Variants in SRGAP3 observed in about 807,000 individuals in gnomAD.
SRGAP3 encodes the protein SLIT-ROBO Rho GTPase activating protein 3, also known as SLIT-ROBO Rho GTPase-activating protein 3.
SRGAP3 carries 39 observed loss-of-function variants against 121.1 expected under a neutral mutation model. The ratio of observed to expected loss-of-function variants is 0.32; its 90% CI spans 0.25 to 0.42. SRGAP3 has a LOEUF of 0.42. Ranked by LOEUF, SRGAP3 falls within the 10% of genes least tolerant of loss-of-function variation. The probability of loss-of-function intolerance (pLI) is 1.00; values close to 1 mark genes in which losing one functional copy is unlikely to be tolerated. For missense variants in SRGAP3, 1,213 were observed against 1,470.6 expected (o/e 0.82, Z 2.86); for synonymous variants, 601 against 570.0 (o/e 1.05, Z -0.77).
In SRGAP3 at chr3:9,326,416, C is replaced by T. The variant is rs138432829; in HGVS notation, n.284-248G>A. ...GTCTTCCCAGGTATATGGAACCAAA[C>T]ATTGGTTTTAAACTATTTCCACAAT... On this transcript the variant is annotated intron_variant and non_coding_transcript_variant, in intron 2 of 3. Transcript: ENST00000490889. 2.4e-4 allele frequency among the ~76,000 whole-genome samples: 37 copies of T among 151,958 alleles called. No homozygotes were observed. The East Asian group carries it at 6.9e-3, about 29-fold the overall frequency.
intron 10 of SRGAP3, among the ~76,000 whole-genome samples, chr3:9,044,974 G>T (rs1229585879): frequency 6.6e-6 from 1 of 152,028 alleles, no homozygotes; most frequent in Non-Finnish European, 1.5e-5. Flanking sequence ...TGGAGATTTG[G>T]TCTCAATTTA....
intron 1 of SRGAP3, among the ~76,000 whole-genome samples, chr3:9,171,838 G>A (rs1024571097): frequency 3.9e-5 from 6 of 151,958 alleles, no homozygotes; most frequent in Non-Finnish European, 7.4e-5. Context: ...GTATTGCCTC[G>A]GTTCTGGGGG....
At chr3:9,096,686 G>T (rs1947979954) in intron 3 of SRGAP3, among the ~76,000 whole-genome samples, 1 of 151,646 alleles carries the variant, frequency 6.6e-6, no homozygotes, top group African/African-American at 2.4e-5. Context: ...GAAATTAGAG[G>T]TTATAAAAGA....
intron 4 of SRGAP3, among the ~76,000 whole-genome samples, chr3:9,067,077 G>A (rs886690943): frequency 1.1e-4 from 17 of 152,100 alleles, no homozygotes; most frequent in Non-Finnish European, 1.8e-4. Flanking sequence ...TTTCTGTAAA[G>A]TGCTGAGAAC....
At chr3:9,029,141 C>T (rs916925132) in intron 12 of SRGAP3, among the ~76,000 whole-genome samples, 6 of 152,094 alleles carry the variant, frequency 3.9e-5, no homozygotes, top group African/African-American at 1.4e-4. Flanking sequence ...ACAGCCTGGT[C>T]GAACAGGCTG....
At chr3:9,203,433 C>G (rs1311743318) in intron 1 of SRGAP3, among the ~76,000 whole-genome samples, 1 of 152,204 alleles carries the variant, frequency 6.6e-6, no homozygotes, top group Non-Finnish European at 1.5e-5. Context: ...TTACAACTAT[C>G]TTGTTCATTT....
intron 3 of SRGAP3, among the ~76,000 whole-genome samples, chr3:9,311,077 G>A (rs1052198761): frequency 6.6e-6 from 1 of 151,966 alleles, no homozygotes. Context: ...GGCTGAGGTG[G>A]GAGAATCTCT....
intron 3 of SRGAP3, among the ~76,000 whole-genome samples, chr3:9,284,010 G>C (rs1180930428): frequency 6.6e-6 from 1 of 152,094 alleles, no homozygotes; most frequent in Non-Finnish European, 1.5e-5. Flanking sequence ...TTGTAAAATA[G>C]CTCCCATAGA....
Position 9,013,244 on chromosome 3 carries a change from T to C in SRGAP3, c.2147+64A>G, listed in dbSNP as rs959615794. 11 of 1,505,144 alleles carry C rather than the reference T, an allele frequency of 7.3e-6. No homozygotes were observed. In the African/African-American group the frequency reaches 1.2e-4, roughly 17 times the overall value. The allele number at this position is 1,505,144 out of a possible 1,614,324, so 93.2% of individuals were successfully genotyped here. On this transcript the variant is annotated intron_variant, in intron 17 of 21. Coordinates refer to ENST00000383836, the MANE Select transcript of SRGAP3 (RefSeq NM_014850.4). ...AGTAAGAAAACTGAAGGGTTTCTTATTGTTCCTATTCAATGGCAATAACAA... is the reference window on the plus strand; with the variant it reads ...AGTAAGAAAACTGAAGGGTTTCTTACTGTTCCTATTCAATGGCAATAACAA...
At chr3:9,349,013 A>T in intron 1 of SRGAP3, 2 of 938,622 alleles carry the variant, frequency 2.1e-6, no homozygotes, top group Non-Finnish European at 3.5e-6. Context: ...CCCCCCGGGC[A>T]TTGTCAAGCA....
chr3:9,108,196 T>C (rs1417541026), intron 2 of SRGAP3, among the ~76,000 whole-genome samples: 1 of 152,110 alleles, frequency 6.6e-6, no homozygotes, highest in East Asian at 1.9e-4. Context: ...TAGAATCAAC[T>C]GGGGAGCTTT....
At chr3:9,170,230 T>C (rs80275870) in intron 1 of SRGAP3, among the ~76,000 whole-genome samples, 1,724 of 152,174 alleles carry the variant, frequency 0.011, 35 homozygotes, top group African/African-American at 0.039. Context: ...AAACCAAAAC[T>C]CTTTGACACT....
rs1946049188 is a variant in SRGAP3 at position 9,059,892 on chromosome 3, A to G, written c.801+339T>C. Reference sequence around the variant, plus strand: ...ACCACACTGGGAAATCCCCCAAGGCATGAACTGTGTATGGTTCCCCCCTGA... The same window carrying G: ...ACCACACTGGGAAATCCCCCAAGGCGTGAACTGTGTATGGTTCCCCCCTGA... On this transcript the variant is annotated intron_variant, in intron 6 of 21. Coordinates refer to ENST00000383836, the MANE Select transcript of SRGAP3 (RefSeq NM_014850.4). 2.4e-5 allele frequency: 9 copies of G among 372,120 alleles called. 1 individual carries two copies. Among genetic ancestry groups the G allele is most frequent in the South Asian group, 2.0e-4 (9 of 45,276 alleles). 23.1% of individuals were successfully genotyped at this position (372,120 alleles called of 1,614,324 possible).
chr3:9,182,379 G>A (rs1575200977), intron 1 of SRGAP3, among the ~76,000 whole-genome samples: 1 of 151,914 alleles, frequency 6.6e-6, no homozygotes, highest in African/African-American at 2.4e-5. Context: ...GGAAGGTGAC[G>A]GGAAGATACA....
chr3:9,081,345 G>A (rs1947236900), intron 3 of SRGAP3: 2 of 452,542 alleles, frequency 4.4e-6, no homozygotes, highest in East Asian at 7.1e-5. Flanking sequence ...TGGCAGAAAG[G>A]CCTCTGGGGC....
chr3:8,997,568 C>T (rs1445289954), intron 18 of SRGAP3, among the ~76,000 whole-genome samples: 1 of 152,206 alleles, frequency 6.6e-6, no homozygotes, highest in African/African-American at 2.4e-5. Context: ...GCAGAGACCT[C>T]TGAGACCTCA....
At chr3:9,164,882 A>G (rs967972538) in intron 1 of SRGAP3, among the ~76,000 whole-genome samples, 2 of 152,246 alleles carry the variant, frequency 1.3e-5, no homozygotes, top group Admixed American at 1.3e-4. Flanking sequence ...GAAAACAGGT[A>G]AAGTCATGCT....
At chr3:9,124,364 G>A (rs1220935381) in intron 2 of SRGAP3, among the ~76,000 whole-genome samples, 1 of 152,208 alleles carries the variant, frequency 6.6e-6, no homozygotes, top group Non-Finnish European at 1.5e-5. Flanking sequence ...GGGACAGGAT[G>A]TCCTGAAGGG....
At chr3:9,312,158 T>C (rs1253461469) in intron 3 of SRGAP3, among the ~76,000 whole-genome samples, 3 of 152,108 alleles carry the variant, frequency 2.0e-5, no homozygotes, top group Non-Finnish European at 4.4e-5. Flanking sequence ...GTTGTTGTTA[T>C]TGTTGTTGTT....
Sources: gnomAD v4.1 joint callset for allele counts (sites outside exome capture counted in the v4.1 genomes callset) on GRCh38, gnomAD v4.1.1 for gene constraint, MANE v1.5 for transcripts, NCBI Gene and HGNC (gene_info 2026-07-23, HGNC 2026-07-21) for gene names.